VOPP1: variants seen among roughly 807,000 people sequenced by gnomAD.
VOPP1 encodes the protein VOPP1 WW domain binding protein.
A neutral mutation model predicts 23.5 loss-of-function variants in VOPP1; 8 were observed. The ratio of observed to expected loss-of-function variants is 0.34; its 90% CI spans 0.20 to 0.61. The LOEUF (loss-of-function observed/expected upper bound fraction) is 0.61. VOPP1 is among the 20% of genes least tolerant of loss of function. VOPP1 has a pLI of 0.78. For missense variants in VOPP1, 174 were observed against 238.1 expected (o/e 0.73, Z 1.77); for synonymous variants, 83 against 97.3 (o/e 0.85, Z 0.86).
chr7:55,499,357 T>C (rs1044714308), intron 2 of VOPP1, among the ~76,000 whole-genome samples: 1 of 152,144 alleles, frequency 6.6e-6, no homozygotes, highest in Non-Finnish European at 1.5e-5. Flanking sequence ...GGAACTGAGG[T>C]AGAAGAACTG....
downstream of VOPP1, among the ~76,000 whole-genome samples, chr7:55,466,086 T>C: frequency 6.6e-6 from 1 of 151,044 alleles, no homozygotes; most frequent in Admixed American, 6.7e-5. Flanking sequence ...GCCAAGTGAC[T>C]GTGCAGCAAG....
intron 4 of VOPP1, among the ~76,000 whole-genome samples, chr7:55,437,935 C>T (rs1300348051): frequency 1.3e-5 from 2 of 149,604 alleles, no homozygotes; most frequent in African/African-American, 2.5e-5. Flanking sequence ...TATCTTGTCG[C>T]CCAGGCTGGA....
At position 55,484,763 on chromosome 7, in the gene VOPP1, T is replaced by C. The variant is rs56193721; in HGVS notation, c.328+7519A>G. Among the ~76,000 whole-genome samples the C allele has an allele frequency of 2.2e-3, 328 of 152,304 alleles. 2 individuals are homozygous for C. The highest frequency in any genetic ancestry group is 7.5e-3 in the African/African-American group (313 of 41,570). On this transcript the variant is annotated intron_variant, in intron 4 of 4. Coordinates refer to ENST00000285279, the MANE Select transcript of VOPP1 (RefSeq NM_030796.5). ...AGACGTTTAGAATACTGTGAACAAG[T>C]ATGCGTTCATACTCCCTCAGAGTCT... is the stretch of plus-strand genomic sequence containing the variant.
intron 2 of VOPP1, among the ~76,000 whole-genome samples, chr7:55,502,614 C>G (rs760480691): frequency 3.4e-4 from 52 of 152,196 alleles, no homozygotes; most frequent in Non-Finnish European, 6.5e-4. Flanking sequence ...AATTGGGGCC[C>G]TAAGCACACA....
intron 1 of VOPP1, among the ~76,000 whole-genome samples, chr7:55,524,166 G>C (rs1046327008): frequency 2.1e-4 from 32 of 152,070 alleles, no homozygotes; most frequent in African/African-American, 7.5e-4. Flanking sequence ...CATTTTTCTG[G>C]CATATTCCCT....
chr7:55,547,547 A>G (rs1470438163), intron 1 of VOPP1, among the ~76,000 whole-genome samples: 1 of 152,252 alleles, frequency 6.6e-6, no homozygotes, highest in African/African-American at 2.4e-5. Context: ...ACACCTTTAC[A>G]GAGAGCTCTG....
intron 4 of VOPP1, among the ~76,000 whole-genome samples, chr7:55,453,057 TG>T (rs1791283097): frequency 6.6e-6 from 1 of 152,204 alleles, no homozygotes; most frequent in Non-Finnish European, 1.5e-5. Flanking sequence ...TAAACTCTGT[TG>T]TCGAGTGTAG....
At chr7:55,536,093 G>C (rs1002928546) in intron 1 of VOPP1, among the ~76,000 whole-genome samples, 1 of 152,222 alleles carries the variant, frequency 6.6e-6, no homozygotes, top group African/African-American at 2.4e-5. Flanking sequence ...GCCTGACCCA[G>C]GCCAAGCGTT....
At chr7:55,520,977 G>A (rs1336458151) in intron 2 of VOPP1, 95 bp downstream of exon 2, 1 of 1,361,638 alleles carries the variant, frequency 7.3e-7, no homozygotes, top group African/African-American at 1.5e-5. Flanking sequence ...GGCCACGCCG[G>A]GCTTTCCCCA....
intron 1 of VOPP1, among the ~76,000 whole-genome samples, chr7:55,564,819 GAT>G (rs1460058330): frequency 6.6e-6 from 1 of 152,132 alleles, no homozygotes; most frequent in African/African-American, 2.4e-5. Context: ...AACACTGAGG[GAT>G]TTCTCTTTAC....
At chr7:55,477,246 G>A (rs1792326988) in intron 4 of VOPP1, among the ~76,000 whole-genome samples, 1 of 152,192 alleles carries the variant, frequency 6.6e-6, no homozygotes, top group African/African-American at 2.4e-5. Context: ...ATGATTTTCT[G>A]AGCCTTCTGA....
chr7:55,529,169 G>A (rs1027823011), intron 1 of VOPP1, among the ~76,000 whole-genome samples: 2 of 152,220 alleles, frequency 1.3e-5, no homozygotes, highest in African/African-American at 4.8e-5. Flanking sequence ...CACAAGGTCA[G>A]GAGATGGAGA....
intron 1 of VOPP1, among the ~76,000 whole-genome samples, chr7:55,552,067 G>A (rs1468977103): frequency 6.6e-6 from 1 of 151,438 alleles, no homozygotes; most frequent in African/African-American, 2.4e-5. Context: ...AAGGTGTGGA[G>A]GTGGAGGGAA....
At chr7:55,488,702 T>C (rs1042232870) in intron 4 of VOPP1, among the ~76,000 whole-genome samples, 2 of 150,580 alleles carry the variant, frequency 1.3e-5, no homozygotes, top group African/African-American at 4.9e-5. Context: ...AGTGGGTGAG[T>C]CTGGGTCCTC....
chr7:55,468,718 G>C (rs917777888), downstream of VOPP1, among the ~76,000 whole-genome samples: 1 of 152,250 alleles, frequency 6.6e-6, no homozygotes, highest in Non-Finnish European at 1.5e-5. Context: ...GACCCCACAG[G>C]AGTGGCTGTC....
chr7:55,530,574 G>C lies in VOPP1; in HGVS notation c.55-9444C>G, dbSNP rs1796441731. ...GTCGGCATTTGACTTCAGGTCTGTTGGTTTCCAAAGTCTGTGTGCTTTCTG... is the reference window on the plus strand; with the variant it reads ...GTCGGCATTTGACTTCAGGTCTGTTCGTTTCCAAAGTCTGTGTGCTTTCTG... On this transcript the variant is annotated intron_variant, in intron 1 of 4. Transcript: ENST00000285279. 4.6e-5 allele frequency among the ~76,000 whole-genome samples: 7 copies of C among 152,150 alleles called. No homozygotes were observed. The South Asian group carries it at 1.0e-3, about 23-fold the overall frequency.
intron 4 of VOPP1, among the ~76,000 whole-genome samples, chr7:55,459,073 G>T (rs958661839): frequency 6.6e-6 from 1 of 151,220 alleles, no homozygotes; most frequent in African/African-American, 2.4e-5. Flanking sequence ...TTTGTTGAGA[G>T]TTTTTTTTTA....
At chr7:55,446,029 G>T (rs62457881) in intron 4 of VOPP1, among the ~76,000 whole-genome samples, 23,420 of 139,538 alleles carry the variant, frequency 0.17, 2,088 homozygotes, top group Middle Eastern at 0.31. Context: ...GTCTCGCTCT[G>T]TCGCCCAGCC....
At chr7:55,470,496 G>C (rs1791751185), downstream of VOPP1, 1 of 152,112 alleles carries the variant, frequency 6.6e-6, no homozygotes, top group African/African-American at 2.4e-5. Flanking sequence ...CCTGAGACCA[G>C]GTGCATCCTC....
Sources: allele counts gnomAD v4.1 joint callset (sites outside exome capture counted in the v4.1 genomes callset), GRCh38; gene constraint gnomAD v4.1.1; transcripts MANE v1.5; gene names NCBI Gene and HGNC (gene_info 2026-07-23, HGNC 2026-07-21).